The following BRI3 variants were observed in gnomAD, a reference collection of about 807,000 sequenced individuals.
The protein encoded by BRI3 is brain protein I3.
In BRI3, 6 loss-of-function variants were observed where a neutral mutation model predicts 12.8. The observed-to-expected ratio is 0.47, with a 90% CI of 0.26 to 0.93. The LOEUF (loss-of-function observed/expected upper bound fraction) is 0.93. Among genes scored for constraint, BRI3 ranks in the 40% least tolerant of loss-of-function variants. The pLI, the probability that BRI3 is intolerant of heterozygous loss-of-function variation, is 0.15. For missense variants in BRI3, 134 were observed against 171.1 expected, an observed-to-expected ratio of 0.78 and a Z score of 1.21; for synonymous variants, 91 against 76.1, an observed-to-expected ratio of 1.20 and a Z score of -1.02.
rs1343878872 is a variant in BRI3 at position 98,310,433 on chromosome 7, T to A, written n.3063T>A. 3 of 1,577,342 alleles carry A rather than the reference T, an allele frequency of 1.9e-6. No individual in the cohort carries two copies. In the South Asian group the frequency reaches 3.6e-5, roughly 19 times the overall value. On this transcript the variant is annotated non_coding_transcript_exon_variant, in exon 2 of 2. Transcript: ENST00000485422. ...AAAGGTATCTTCAAATAAATCAGAC[T>A]GAATCTCTTACCTGTTGAATTATTT... is the stretch of plus-strand genomic sequence containing the variant.
At position 98,291,263 on chromosome 7, in the gene BRI3, T is replaced by C. The variant is rs1584401448; in HGVS notation, c.*20T>C. 6.2e-7 allele frequency: 1 copy of C among 1,612,316 alleles called. No individual in the cohort carries two copies. The highest frequency in any genetic ancestry group is 8.5e-7 in the Non-Finnish European group (1 of 1,179,892). On this transcript the variant is annotated 3_prime_UTR_variant, in exon 3 of 3. Transcript: ENST00000297290. ...GCTTAAAGGGAACACCAGGCCCGGC[T>C]TTCCTACACCCAGCTCTCTTTTTCT...
the BRI3 span, among the ~76,000 whole-genome samples, chr7:98,319,338 G>A: frequency 1.1e-4 from 17 of 152,156 alleles, no homozygotes; most frequent in African/African-American, 3.1e-4. Context: ...ATGCAGGAGC[G>A]GTCTCTGCAG....
At chr7:98,292,758 A>G (rs1037294084), downstream of BRI3, 23 of 1,550,410 alleles carry the variant, frequency 1.5e-5, no homozygotes, top group African/African-American at 5.5e-5. Context: ...GCTTTGGCCA[A>G]CTAGCTGAGT....
downstream of BRI3, chr7:98,312,148 G>A (rs201882051): frequency 3.7e-6 from 6 of 1,613,830 alleles, no homozygotes; most frequent in South Asian, 3.3e-5. Context: ...CAGACACGGG[G>A]GTAGAGGCTG....
upstream of BRI3, among the ~76,000 whole-genome samples, chr7:98,301,732 G>T (rs995129490): frequency 8.5e-5 from 13 of 152,162 alleles, no homozygotes; most frequent in African/African-American, 2.4e-4. Context: ...TCTTGGGGAA[G>T]TGAGCTTTGG....
At chr7:98,321,206 T>C in the BRI3 span, among the ~76,000 whole-genome samples, 1 of 152,186 alleles carries the variant, frequency 6.6e-6, no homozygotes, top group Non-Finnish European at 1.5e-5. Context: ...AAGTTCTATA[T>C]ATCTGATTCA....
At chr7:98,301,123 C>T (rs1431782156) in intron 1 of BRI3, among the ~76,000 whole-genome samples, 2 of 152,182 alleles carry the variant, frequency 1.3e-5, no homozygotes, top group Non-Finnish European at 2.9e-5. Flanking sequence ...AAAACCCCTC[C>T]CCCACAGCCA....
At chr7:98,304,287 G>C (rs772090261), upstream of BRI3, 1 of 1,613,724 alleles carries the variant, frequency 6.2e-7, no homozygotes, top group Non-Finnish European at 8.5e-7. Context: ...TGCCCCCATG[G>C]ACAAGCATTC....
downstream of BRI3, among the ~76,000 whole-genome samples, chr7:98,314,053 T>C (rs1275132774): frequency 1.4e-5 from 2 of 145,794 alleles, no homozygotes; most frequent in South Asian, 4.4e-4. Context: ...TGGTGTGATC[T>C]GGGCTCACTG....
At chr7:98,312,664 C>G (rs760573403), downstream of BRI3, among the ~76,000 whole-genome samples, 1 of 152,210 alleles carries the variant, frequency 6.6e-6, no homozygotes, top group African/African-American at 2.4e-5. Flanking sequence ...ACCTCCAACA[C>G]AGGCCACGGG....
At chr7:98,304,310 T>TG (rs1405664842), upstream of BRI3, 1 of 1,613,018 alleles carries the variant, frequency 6.2e-7, no homozygotes, top group African/African-American at 1.3e-5. Context: ...AGTAGTCGGG[T>TG]GGGGGGATGA....
intron 2 of BRI3, among the ~76,000 whole-genome samples, chr7:98,285,204 G>A (rs536443241): frequency 5.9e-5 from 9 of 152,318 alleles, no homozygotes; most frequent in Admixed American, 3.3e-4. Flanking sequence ...GGCGGATGTC[G>A]CTCAGAGGTC....
downstream of BRI3, among the ~76,000 whole-genome samples, chr7:98,313,186 G>A (rs1438533060): frequency 6.6e-6 from 1 of 151,656 alleles, no homozygotes; most frequent in Non-Finnish European, 1.5e-5. Flanking sequence ...CAGCACCGTG[G>A]ACCAGCTGCT....
chr7:98,292,404 C>T (rs532788312), downstream of BRI3: 207 of 545,832 alleles, frequency 3.8e-4, no homozygotes, highest in Non-Finnish European at 3.7e-4. Context: ...AGACTCCTGA[C>T]CTCAGGTGAT....
the BRI3 span, among the ~76,000 whole-genome samples, chr7:98,321,816 G>C: frequency 5.3e-5 from 8 of 152,166 alleles, 1 homozygote. Context: ...TGAATTCCAG[G>C]CCGGGTGTGG....
At chr7:98,306,153 G>A (rs1351479814), upstream of BRI3, among the ~76,000 whole-genome samples, 2 of 152,204 alleles carry the variant, frequency 1.3e-5, no homozygotes, top group Non-Finnish European at 2.9e-5. Flanking sequence ...AAAACACATG[G>A]CTTGGGTTTA....
At chr7:98,288,796 T>C (rs531940463) in intron 2 of BRI3, among the ~76,000 whole-genome samples, 1 of 105,364 alleles carries the variant, frequency 9.5e-6, no homozygotes, top group South Asian at 2.5e-4. Flanking sequence ...GGAGGGGTCT[T>C]TGTTGCCCAG....
chr7:98,319,787 G>A, the BRI3 span, among the ~76,000 whole-genome samples: 1 of 152,172 alleles, frequency 6.6e-6, no homozygotes, highest in African/African-American at 2.4e-5. Flanking sequence ...CTGACCTCAA[G>A]TGATCCGCCT....
chr7:98,303,265 C>A (rs1247521051), upstream of BRI3, among the ~76,000 whole-genome samples: 1 of 152,168 alleles, frequency 6.6e-6, no homozygotes, highest in Non-Finnish European at 1.5e-5. Flanking sequence ...CACACCTGGG[C>A]ACCACTCACA....
Sources: allele counts gnomAD v4.1 joint callset (sites outside exome capture counted in the v4.1 genomes callset), GRCh38; gene constraint gnomAD v4.1.1; transcripts MANE v1.5; gene names NCBI Gene and HGNC (gene_info 2026-07-23, HGNC 2026-07-21).